Variants in CREB5 observed in about 807,000 individuals in gnomAD.
CREB5 encodes the protein cAMP responsive element binding protein 5.
Under a neutral mutation model 57.1 loss-of-function variants are expected in CREB5, and 19 were observed. That is an observed-to-expected ratio of 0.33 (90% CI 0.23 to 0.49). The LOEUF (loss-of-function observed/expected upper bound fraction) is 0.49. Ranked by LOEUF, CREB5 falls within the 20% of genes least tolerant of loss-of-function variation. The probability of loss-of-function intolerance (pLI) is 0.99; values close to 1 mark genes in which losing one functional copy is unlikely to be tolerated. For missense variants in CREB5, 579 were observed against 671.6 expected, an observed-to-expected ratio of 0.86 and a Z score of 1.52; for synonymous variants, 238 against 238.3, an observed-to-expected ratio of 1.00 and a Z score of 0.01.
At chr7:28,771,582 G>T (rs975688675) in intron 7 of CREB5, among the ~76,000 whole-genome samples, 1 of 152,000 alleles carries the variant, frequency 6.6e-6, no homozygotes, top group African/African-American at 2.4e-5. Flanking sequence ...TGAGGAGCAG[G>T]GCAACCCTTC....
intron 4 of CREB5, among the ~76,000 whole-genome samples, chr7:28,560,991 T>TGCGCGTGTGTGCGCGTGCGTGTGTGC (rs1349449277): frequency 4.3e-5 from 2 of 47,024 alleles, no homozygotes; most frequent in Non-Finnish European, 1.0e-4. Flanking sequence ...CGTGCGTGTG[T>TGCGCGTGTGTGCGCGTGCGTGTGTGC]GTGCCTGCGT....
chr7:28,623,883 A>AT, intron 5 of CREB5, among the ~76,000 whole-genome samples: 1 of 152,310 alleles, frequency 6.6e-6, no homozygotes, highest in South Asian at 2.1e-4. Flanking sequence ...GTTCATAAAG[A>AT]TGGGGGGAGA....
chr7:28,443,941 G>C (rs1008144104), intron 1 of CREB5, among the ~76,000 whole-genome samples: 1 of 152,146 alleles, frequency 6.6e-6, no homozygotes, highest in Admixed American at 6.5e-5. Context: ...AAGTCAGAAT[G>C]GTGTTTTGAG....
At position 28,476,972 on chromosome 7, in the gene CREB5, G is replaced by A. The variant is rs964169194; in HGVS notation, c.4-11203G>A. On this transcript the variant is annotated intron_variant, in intron 1 of 10. Coordinates refer to ENST00000357727, the MANE Select transcript of CREB5 (RefSeq NM_182898.4). ...CTGGGTACACTTCTCTTTCCTTCTG[G>A]AGAATCATTGCCCAGAGGGCAGGAA... 3.3e-5 allele frequency among the ~76,000 whole-genome samples: 5 copies of A among 152,154 alleles called. No homozygotes were observed. The East Asian group carries it at 5.8e-4, about 18-fold the overall frequency.
chr7:28,615,824 G>T (rs1461224857), intron 5 of CREB5: 2 of 152,176 alleles, frequency 1.3e-5, no homozygotes, highest in Non-Finnish European at 2.9e-5. Context: ...CGTGACCCTG[G>T]CCCTGGACAC....
chr7:28,435,555 G>T (rs1227905494), intron 1 of CREB5: 1 of 862,328 alleles, frequency 1.2e-6, no homozygotes, highest in African/African-American at 1.8e-5. Context: ...TTAAGTGTCA[G>T]CTGCATCATC....
At chr7:28,543,365 ATAT>A (rs958682805) in intron 4 of CREB5, among the ~76,000 whole-genome samples, 6 of 152,188 alleles carry the variant, frequency 3.9e-5, no homozygotes, top group African/African-American at 1.4e-4. Context: ...TCCACAAAAA[ATAT>A]TATGCATTTA....
At chr7:28,604,621 T>C (rs1421395051) in intron 5 of CREB5, among the ~76,000 whole-genome samples, 1 of 151,128 alleles carries the variant, frequency 6.6e-6, no homozygotes, top group Non-Finnish European at 1.5e-5. Flanking sequence ...ATAATAAATA[T>C]TAAATAATAA....
chr7:28,560,261 AG>A (rs1171393506), intron 4 of CREB5, among the ~76,000 whole-genome samples: 1 of 152,176 alleles, frequency 6.6e-6, no homozygotes, highest in Non-Finnish European at 1.5e-5. Flanking sequence ...GTACAGGCAA[AG>A]GTATGAAGGT....
At chr7:28,729,353 C>T (rs1413921957) in intron 7 of CREB5, among the ~76,000 whole-genome samples, 4 of 152,192 alleles carry the variant, frequency 2.6e-5, no homozygotes, top group Admixed American at 6.5e-5. Context: ...ACATTACTAA[C>T]AGTGCTTCTG....
intron 1 of CREB5, among the ~76,000 whole-genome samples, chr7:28,407,465 C>T (rs62451108): frequency 0.036 from 5,480 of 152,252 alleles, 139 homozygotes; most frequent in Non-Finnish European, 0.05. Flanking sequence ...AGTAGCAGAG[C>T]TAAAATTTGA....
intron 1 of CREB5, among the ~76,000 whole-genome samples, chr7:28,475,474 A>G (rs1246285481): frequency 8.4e-6 from 1 of 119,382 alleles, no homozygotes; most frequent in African/African-American, 4.4e-5. Context: ...AAAGGGAGAG[A>G]AAGAAAAAAA....
chr7:28,479,017 C>T (rs1171864295), intron 1 of CREB5, among the ~76,000 whole-genome samples: 1 of 152,070 alleles, frequency 6.6e-6, no homozygotes, highest in South Asian at 2.1e-4. Flanking sequence ...TAACTTTGCC[C>T]GAGTTTTTCA....
At chr7:28,352,117 A>G (rs1219019893) in intron 1 of CREB5, among the ~76,000 whole-genome samples, 2 of 152,238 alleles carry the variant, frequency 1.3e-5, no homozygotes, top group African/African-American at 4.8e-5. Flanking sequence ...TATTTGTTAT[A>G]ATAAAACATT....
chr7:28,508,359 C>T (rs898859797), intron 4 of CREB5, among the ~76,000 whole-genome samples: 4 of 152,118 alleles, frequency 2.6e-5, no homozygotes, highest in African/African-American at 9.7e-5. Flanking sequence ...AGATGGTGGT[C>T]ACAAGTCAAT....
chr7:28,338,370 A>G (rs1476649425), intron 1 of CREB5, among the ~76,000 whole-genome samples: 2 of 152,086 alleles, frequency 1.3e-5, no homozygotes, highest in Non-Finnish European at 2.9e-5. Flanking sequence ...TTCATGTTTG[A>G]GGGATATTTT....
At chr7:28,494,583 G>C (rs1791939436) in intron 2 of CREB5, among the ~76,000 whole-genome samples, 1 of 152,032 alleles carries the variant, frequency 6.6e-6, no homozygotes, top group Non-Finnish European at 1.5e-5. Context: ...AGGTATAGAA[G>C]GCAAAAATTT....
intron 5 of CREB5, among the ~76,000 whole-genome samples, chr7:28,612,327 C>T (rs540916697): frequency 1.3e-5 from 2 of 152,044 alleles, no homozygotes; most frequent in South Asian, 4.2e-4. Context: ...CCTATATGGG[C>T]AACACCTACA....
chr7:28,549,804 A>G (rs1583611310), intron 4 of CREB5, among the ~76,000 whole-genome samples: 1 of 151,978 alleles, frequency 6.6e-6, no homozygotes, highest in South Asian at 2.1e-4. Flanking sequence ...AAAGAATGCT[A>G]TTTTCTCTTA....
Sources: gnomAD v4.1 joint callset for allele counts (sites outside exome capture counted in the v4.1 genomes callset) on GRCh38, gnomAD v4.1.1 for gene constraint, MANE v1.5 for transcripts, NCBI Gene and HGNC (gene_info 2026-07-23, HGNC 2026-07-21) for gene names.